CPD: variants seen among roughly 807,000 people sequenced by gnomAD.
CPD encodes carboxypeptidase D.
In CPD, 69 loss-of-function variants were observed where a neutral mutation model predicts 138.3. The observed-to-expected ratio is 0.50, with a 90% confidence interval of 0.41 to 0.61. The LOEUF (loss-of-function observed/expected upper bound fraction) is 0.61. Ranked by LOEUF, CPD falls within the 20% of genes least tolerant of loss-of-function variation. The pLI is 0.00. For missense variants in CPD, 1,432 were observed against 1,733.3 expected (o/e 0.83, Z 3.09); for synonymous variants, 651 against 642.1 (o/e 1.01, Z -0.21).
At chr17:30,398,490 A>G (rs1911567806) in intron 2 of CPD, among the ~76,000 whole-genome samples, 1 of 152,208 alleles carries the variant, frequency 6.6e-6, no homozygotes, top group African/African-American at 2.4e-5. Context: ...AAGATAAGCA[A>G]ATATATTAAC....
intron 8 of CPD, among the ~76,000 whole-genome samples, chr17:30,433,208 T>C (rs1220425229): frequency 1.3e-5 from 2 of 152,196 alleles, no homozygotes; most frequent in Non-Finnish European, 2.9e-5. Flanking sequence ...AGAGAATTAT[T>C]GCTTTCTGTT....
intron 2 of CPD, among the ~76,000 whole-genome samples, chr17:30,413,804 G>A (rs1157999894): frequency 7.2e-5 from 11 of 152,202 alleles, no homozygotes; most frequent in Non-Finnish European, 5.9e-5. Context: ...TGGTGGGATG[G>A]GCTTGGGGAT....
At chr17:30,399,418 GC>G (rs770500999) in intron 2 of CPD, among the ~76,000 whole-genome samples, 116 of 152,004 alleles carry the variant, frequency 7.6e-4, no homozygotes, top group Non-Finnish European at 1.4e-3. Flanking sequence ...GTTGAAATGT[GC>G]AACCAAAATT....
chr17:30,439,394 C>CTTTTTTTT (rs71138889), intron 9 of CPD, among the ~76,000 whole-genome samples: 62 of 124,540 alleles, frequency 5.0e-4, no homozygotes, highest in Middle Eastern at 4.7e-3. Flanking sequence ...ACGTTACTTT[C>CTTTTTTTT]TTTTTTTTTT....
At chr17:30,459,135 T>C (rs2143506871) in intron 17 of CPD, among the ~76,000 whole-genome samples, 1 of 147,294 alleles carries the variant, frequency 6.8e-6, no homozygotes, top group African/African-American at 2.5e-5. Context: ...TTTGCCTTTA[T>C]GCCAGTATCA....
chr17:30,408,157 T>C (rs1911856631), intron 2 of CPD, among the ~76,000 whole-genome samples: 1 of 152,128 alleles, frequency 6.6e-6, no homozygotes, highest in Non-Finnish European at 1.5e-5. Context: ...AAGGCCTCTG[T>C]TCTGTTCTGT....
chr17:30,379,352 G>T lies in CPD; in HGVS notation c.372G>T (p.Pro124=). Residue 124 remains proline, a synonymous_variant, in exon 1 of 21, where the codon CCG becomes CCT. Coordinates refer to ENST00000225719, the MANE Select transcript of CPD (RefSeq NM_001304.5). This position sits in a 1 kb window ranked among gnomAD's most constrained non-coding sequence, Gnocchi z 7.0. The stretch of plus-strand genomic sequence containing the variant: ...CTGCCGGGCCCGACGCTGCGGGGCC[G>T]CTGCTGCCCGGCCGGCCCCAGGTGA... ...PDAAGPDAAG[P]LLPGRPQVKL... 1 of 1,495,984 alleles carries T rather than the reference G, an allele frequency of 6.7e-7. No individual in the cohort carries two copies. The allele number at this position is 1,495,984 out of a possible 1,614,324, so 92.7% of individuals were successfully genotyped here.
At chr17:30,451,677 G>C in intron 13 of CPD, 34 bp from the exon 14 acceptor site, 2 of 1,605,236 alleles carry the variant, frequency 1.2e-6, no homozygotes, top group Non-Finnish European at 1.7e-6. Flanking sequence ...TCTACATGCA[G>C]CTAGTAACTC....
In CPD at chr17:30,379,441, G is replaced by A. The variant is rs182416584; in HGVS notation, c.461G>A (p.Arg154His). The A allele has an allele frequency of 7.5e-5, 118 of 1,567,998 alleles. 1 individual carries two copies. In the African/African-American group the frequency reaches 1.5e-3, roughly 19 times the overall value. The part of the protein sequence containing the change: ...VSRQVLIYLA[R>H]ELAAGYRRGD... Reference sequence around the variant, plus strand: ...CGCCAGGTGTTGATCTACTTGGCCCGCGAGCTGGCGGCCGGCTACCGCCGC... The same window carrying A: ...CGCCAGGTGTTGATCTACTTGGCCCACGAGCTGGCGGCCGGCTACCGCCGC... Residue 154 changes from arginine (R) to histidine (H), a missense_variant, in exon 1 of 21, where the codon CGC (arginine) becomes CAC (histidine). Physicochemically the swap from Arg to His is conservative, Grantham distance 29. Transcript: ENST00000225719. The surrounding 1 kb of genome is among the most constrained non-coding windows in gnomAD (Gnocchi z 7.0).
chr17:30,410,214 C>G (rs1911924646), intron 2 of CPD, among the ~76,000 whole-genome samples: 1 of 151,976 alleles, frequency 6.6e-6, no homozygotes, highest in South Asian at 2.1e-4. Flanking sequence ...GTACTGTGGC[C>G]CGAGAGACAG....
chr17:30,416,490 T>C (rs1331304800), intron 2 of CPD, among the ~76,000 whole-genome samples: 2 of 152,230 alleles, frequency 1.3e-5, no homozygotes, highest in African/African-American at 4.8e-5. Flanking sequence ...TGGTTCCTAC[T>C]GCACTTAGAA....
intron 11 of CPD, 113 bp downstream of exon 11, chr17:30,444,084 G>C: frequency 9.4e-7 from 1 of 1,060,564 alleles, no homozygotes; most frequent in South Asian, 1.8e-5. Context: ...TGAATGGATT[G>C]CTGCGAAGTT....
At chr17:30,397,821 G>A (rs1182770968) in intron 2 of CPD, among the ~76,000 whole-genome samples, 1 of 146,068 alleles carries the variant, frequency 6.8e-6, no homozygotes, top group Non-Finnish European at 1.5e-5. Context: ...GATATTTCTA[G>A]AAATCAAATC....
Position 30,445,730 on chromosome 17 carries a change from A to G in CPD, c.2583A>G (p.Glu861=). 3 of 1,612,670 alleles carry G rather than the reference A, an allele frequency of 1.9e-6. No individual in the cohort carries two copies. Among genetic ancestry groups the G allele is most frequent in the Non-Finnish European group, 2.5e-6 (3 of 1,179,376 alleles). The change falls in exon 12 of 21, where the codon GAA becomes GAG. Residue 861 remains glutamate (E), a synonymous_variant. Coordinates refer to ENST00000225719, the MANE Select transcript of CPD (RefSeq NM_001304.5). The part of the protein sequence containing the change: ...PVTKNVTVKS[E]GAIQVNFTLV... ...CCAAGAATGTGACTGTCAAGAGTGA[A>G]GGCGCTATTCAGGTCAACTTCACAC...
intron 8 of CPD, among the ~76,000 whole-genome samples, chr17:30,434,858 A>G (rs554005894): frequency 2.6e-5 from 4 of 152,246 alleles, no homozygotes; most frequent in East Asian, 3.9e-4. Flanking sequence ...AAAGTGTACC[A>G]TTAAGCTAGG....
At chr17:30,440,473 A>T (rs1267094395) in intron 9 of CPD, among the ~76,000 whole-genome samples, 1 of 139,936 alleles carries the variant, frequency 7.1e-6, no homozygotes, top group Non-Finnish European at 1.5e-5. Context: ...TTTGGACATG[A>T]AGTCCTTGCC....
intron 2 of CPD, among the ~76,000 whole-genome samples, chr17:30,416,657 CT>C (rs1021526924): frequency 9.9e-5 from 15 of 152,204 alleles, no homozygotes; most frequent in Non-Finnish European, 1.5e-4. Flanking sequence ...ACTTTTCCCC[CT>C]GCCTTTGAAA....
chr17:30,427,762 T>A (rs561533105), intron 7 of CPD, among the ~76,000 whole-genome samples: 1 of 152,214 alleles, frequency 6.6e-6, no homozygotes, highest in South Asian at 2.1e-4. Flanking sequence ...TCTCTCTTTT[T>A]TTCCTCCTCT....
chr17:30,432,659 C>T (rs1481087661), intron 8 of CPD, among the ~76,000 whole-genome samples: 2 of 152,060 alleles, frequency 1.3e-5, no homozygotes, highest in Non-Finnish European at 2.9e-5. Flanking sequence ...GAAATCGTAG[C>T]ACTTTGGTAG....
Sources: gnomAD v4.1 joint callset for allele counts (sites outside exome capture counted in the v4.1 genomes callset) on GRCh38, gnomAD v4.1.1 for gene constraint, Gnocchi (gnomAD v3.1) non-coding constraint, MANE v1.5 for transcripts, NCBI Gene and HGNC (gene_info 2026-07-23, HGNC 2026-07-21) for gene names.